Variants in RD3 observed in about 807,000 individuals in gnomAD.
RD3 encodes RD3 regulator of GUCY2D, also known as protein RD3.
In RD3, 11 loss-of-function variants were observed where a neutral mutation model predicts 16.9. The ratio of observed to expected loss-of-function variants is 0.65; its 90% CI spans 0.41 to 1.08. The LOEUF (loss-of-function observed/expected upper bound fraction) is 1.08. RD3 is among the 50% of genes least tolerant of loss of function. The pLI is 0.00. For synonymous variants in RD3, 116 were observed against 114.8 expected, an observed-to-expected ratio of 1.01 and a Z score of -0.07; for missense variants, 274 against 267.4, an observed-to-expected ratio of 1.02 and a Z score of -0.17.
rs539832828 is a variant in RD3, at chr1:211,484,169, C to T, written c.-11-2743G>A. Reference sequence around the variant, plus strand: ...CTTTACGGAACGTGACTGCCTACCTCCCCTGACCCCGGGTGTGGTATGTGG... The same window carrying T: ...CTTTACGGAACGTGACTGCCTACCTTCCCTGACCCCGGGTGTGGTATGTGG... On this transcript the variant is annotated intron_variant, in intron 1 of 2. Transcript: ENST00000680073. 1.8e-4 allele frequency among the ~76,000 whole-genome samples: 27 copies of T among 152,336 alleles called. 1 individual carries two copies. The South Asian group carries it at 5.2e-3, about 29-fold the overall frequency.
In RD3 at chr1:211,479,200, A is replaced by G; in HGVS notation, c.424T>C (p.Trp142Arg). 3 of 1,612,064 alleles carry G rather than the reference A, an allele frequency of 1.9e-6. No individual in the cohort carries two copies. The highest frequency in any genetic ancestry group is 2.5e-6 in the Non-Finnish European group (3 of 1,179,336). ...AGGCTGCCGCGGGGCCGCAGGCTCC[A>G]CTGGCGCGTCAGCTTGTGGGCCTCC... ...EEEAHKLTRQ[W>R]SLRPRGSLAT... Residue 142 changes from tryptophan (W) to arginine (R), a missense_variant, in exon 3 of 3, where the codon TGG (tryptophan) becomes CGG (arginine). Coordinates refer to ENST00000680073, the MANE Select transcript of RD3 (RefSeq NM_001164688.2).
intron 1 of RD3, among the ~76,000 whole-genome samples, chr1:211,487,385 G>A (rs1162807533): frequency 2.0e-5 from 3 of 152,148 alleles, no homozygotes; most frequent in East Asian, 3.9e-4. Flanking sequence ...CCATGTACGC[G>A]TTTGTGATAA....
At chr1:211,487,467 G>A (rs560424069) in intron 1 of RD3, among the ~76,000 whole-genome samples, 1 of 152,328 alleles carries the variant, frequency 6.6e-6, no homozygotes, top group Admixed American at 6.5e-5. Flanking sequence ...ATAGGGCCAA[G>A]CCCTTGGCCC....
At chr1:211,480,651 T>TAC (rs3041254) in intron 2 of RD3, among the ~76,000 whole-genome samples, 3,890 of 149,040 alleles carry the variant, frequency 0.026, 103 homozygotes, top group African/African-American at 0.063. Context: ...GAACCCTTCC[T>TAC]ACACACACAC....
chr1:211,489,573 C>CTT (rs11334507), intron 1 of RD3, among the ~76,000 whole-genome samples: 113 of 137,866 alleles, frequency 8.2e-4, no homozygotes, highest in African/African-American at 2.8e-3. Context: ...TTTTTTCTTT[C>CTT]TTTTTTTTTT....
In RD3 at chr1:211,479,178, C is replaced by A. The variant is rs371097322; in HGVS notation, c.446G>T (p.Ser149Ile). 86 of 1,612,664 alleles carry A rather than the reference C, an allele frequency of 5.3e-5. No individual in the cohort carries two copies. The highest frequency in any genetic ancestry group is 7.0e-5 in the Non-Finnish European group (82 of 1,179,596). The part of the protein sequence containing the change: ...TRQWSLRPRG[S>I]LATFKTRARI... ...CGCGCGGGTCTTGAAGGTGGCCAGG[C>A]TGCCGCGGGGCCGCAGGCTCCACTG... is the stretch of plus-strand genomic sequence containing the variant. The change falls in exon 3 of 3, where the codon AGC becomes ATC. Residue 149 changes from serine to isoleucine, a missense_variant. Coordinates refer to ENST00000680073, the MANE Select transcript of RD3 (RefSeq NM_001164688.2).
In RD3 at chr1:211,477,935, C is replaced by G; in HGVS notation, c.*1101G>C. 1 of 393,112 alleles carries G rather than the reference C, an allele frequency of 2.5e-6. No homozygotes were observed. Among genetic ancestry groups the G allele is most frequent in the Non-Finnish European group, 4.5e-6 (1 of 223,322 alleles). The allele number at this position is 393,112 out of a possible 1,614,324, so 24.4% of individuals were successfully genotyped here. ...ATGGGTGATCCACACATTGGGTAAT[C>G]CACATGCCCATCATCAAGGCCTAAC... On this transcript the variant is annotated 3_prime_UTR_variant, in exon 3 of 3. Transcript: ENST00000680073.
chr1:211,481,053 C>G, intron 2 of RD3, 67 bp downstream of exon 2: 1 of 1,547,872 alleles, frequency 6.5e-7, no homozygotes, highest in Non-Finnish European at 8.9e-7. Flanking sequence ...TGGCCTCAGG[C>G]CCCTGCCACT....
rs1705185746 is a variant in RD3 at position 211,478,294 on chromosome 1, G to C, written c.*742C>G. On this transcript the variant is annotated 3_prime_UTR_variant, in exon 3 of 3. Coordinates refer to ENST00000680073, the MANE Select transcript of RD3 (RefSeq NM_001164688.2). ...GCTTAGATTCTCATCCCACTGCCAA[G>C]GTAAGAGATGGATCAGGCCACAGGT... 1 of 397,440 alleles carries C rather than the reference G, an allele frequency of 2.5e-6. No individual in the cohort carries two copies. Among genetic ancestry groups the C allele is most frequent in the South Asian group, 1.4e-4 (1 of 7,230 alleles). The allele number at this position is 397,440 out of a possible 1,614,324, so 24.6% of individuals were successfully genotyped here. A position where few individuals can be genotyped will look rare whatever the true frequency, so the allele number is the denominator to read the frequency against.
intron 1 of RD3, 101 bp from the exon 2 acceptor site, chr1:211,481,527 G>C: frequency 9.0e-7 from 1 of 1,110,336 alleles, no homozygotes; most frequent in Non-Finnish European, 1.3e-6. Context: ...TGGGACCCAG[G>C]AGAGAAGACC....
At chr1:211,486,614 C>T (rs932751195) in intron 1 of RD3, among the ~76,000 whole-genome samples, 5 of 151,824 alleles carry the variant, frequency 3.3e-5, no homozygotes, top group Admixed American at 6.6e-5. Flanking sequence ...TTTGGGAGGC[C>T]GGTGCAAGTG....
chr1:211,491,589 G>T (rs533823048), intron 1 of RD3, among the ~76,000 whole-genome samples, 179 bp downstream of exon 1: 2 of 152,348 alleles, frequency 1.3e-5, no homozygotes, highest in South Asian at 4.1e-4. Context: ...GAGGACTAAA[G>T]GGGCCTTCCT....
chr1:211,485,287 A>C (rs920132641), intron 1 of RD3, among the ~76,000 whole-genome samples: 1 of 151,848 alleles, frequency 6.6e-6, no homozygotes, highest in African/African-American at 2.4e-5. Context: ...TCAACAGGGG[A>C]GGAGGGTGTT....
chr1:211,481,247 C>A lies in RD3; in HGVS notation c.169G>T (p.Gly57Cys), dbSNP rs750239049. The change falls in exon 2 of 3, where the codon GGT becomes TGT. Residue 57 changes from glycine (G) to cysteine (C), a missense_variant. Gly to Cys is a radical substitution (Grantham distance 159, BLOSUM62 -3). Transcript: ENST00000680073. ...RSNAVRKVCT[G>C]VDYSWLASTP... ...CTGGCCAGCCAGCTGTAGTCCACAC[C>A]GGTGCAGACCTTTCTGACCGCATTG... The A allele has an allele frequency of 1.9e-6, 3 of 1,614,156 alleles. No homozygotes were observed. Among genetic ancestry groups the A allele is most frequent in the Non-Finnish European group, 2.5e-6 (3 of 1,180,062 alleles).
At position 211,477,512 on chromosome 1, in the gene RD3, C is replaced by T. The variant is rs1039306924; in HGVS notation, c.*1524G>A. The T allele has an allele frequency of 3.3e-5, 5 of 150,752 alleles. No individual in the cohort carries two copies. The highest frequency in any genetic ancestry group is 2.0e-4 in the East Asian group (1 of 5,126). 9.3% of individuals were successfully genotyped at this position (150,752 alleles called of 1,614,324 possible). A position where few individuals can be genotyped will look rare whatever the true frequency, so the allele number is the denominator to read the frequency against. ...ACTTTTTATGTCTTCAAATAAAATA[C>T]GTAAGATGTTTAAGATGTATATTTT... is the stretch of plus-strand genomic sequence containing the variant. On this transcript the variant is annotated 3_prime_UTR_variant, in exon 3 of 3. Transcript: ENST00000680073.
Position 211,481,319 on chromosome 1 carries a change from G to C in RD3, c.97C>G (p.Leu33Val). The C allele has an allele frequency of 6.2e-7, 1 of 1,614,250 alleles. No individual in the cohort carries two copies. Among genetic ancestry groups the C allele is most frequent in the Non-Finnish European group, 8.5e-7 (1 of 1,180,060 alleles). Residue 33 changes from leucine (L) to valine (V), a missense_variant, in exon 2 of 3, where the codon CTG (leucine) becomes GTG (valine). By Grantham distance (32) the Leu-to-Val change is conservative (BLOSUM62 1). Coordinates refer to ENST00000680073, the MANE Select transcript of RD3 (RefSeq NM_001164688.2). ...EMVLETLMME[L>V]TGQMREAERQ... Reference sequence around the variant, plus strand: ...TCAGCCTCTCGCATCTGCCCCGTCAGCTCCATCATAAGCGTCTCCAGCACC... The same window carrying C: ...TCAGCCTCTCGCATCTGCCCCGTCACCTCCATCATAAGCGTCTCCAGCACC...
intron 1 of RD3, among the ~76,000 whole-genome samples, chr1:211,485,083 G>A (rs747279432): frequency 4.6e-5 from 7 of 152,226 alleles, no homozygotes; most frequent in Non-Finnish European, 8.8e-5. Flanking sequence ...AAGCAAGCCC[G>A]AGTACAGTCT....
At position 211,478,109 on chromosome 1, in the gene RD3, G is replaced by A. The variant is rs1189395121; in HGVS notation, c.*927C>T. The A allele has an allele frequency of 2.5e-6, 1 of 398,606 alleles. No individual in the cohort carries two copies. Among genetic ancestry groups the A allele is most frequent in the African/African-American group, 2.1e-5 (1 of 48,644 alleles). 24.7% of individuals were successfully genotyped at this position (398,606 alleles called of 1,614,324 possible). A position where few individuals can be genotyped will look rare whatever the true frequency, so the allele number is the denominator to read the frequency against. On this transcript the variant is annotated 3_prime_UTR_variant, in exon 3 of 3. Transcript: ENST00000680073. The stretch of plus-strand genomic sequence containing the variant: ...GACCAGCTGCAGAAAGCGGAACCCT[G>A]GAATTGAGAAACCTGGGCTCTTTAG...
At chr1:211,484,003 C>A (rs1440197473) in intron 1 of RD3, among the ~76,000 whole-genome samples, 3 of 152,206 alleles carry the variant, frequency 2.0e-5, no homozygotes, top group African/African-American at 7.2e-5. Context: ...AAATGCCCGC[C>A]CATTCTACAT....
Sources: allele counts gnomAD v4.1 joint callset (sites outside exome capture counted in the v4.1 genomes callset), GRCh38; gene constraint gnomAD v4.1.1; transcripts MANE v1.5; gene names NCBI Gene and HGNC (gene_info 2026-07-23, HGNC 2026-07-21).